The following DNAH9 variants were observed in gnomAD, a reference collection of about 807,000 sequenced individuals.
DNAH9 encodes the protein DNAH9 variant protein.
A neutral mutation model predicts 471.6 loss-of-function variants in DNAH9; 345 were observed. The observed-to-expected ratio is 0.73, with a 90% CI of 0.67 to 0.80. The LOEUF (loss-of-function observed/expected upper bound fraction) is 0.80. DNAH9 is among the 30% of genes least tolerant of loss of function. DNAH9 has a pLI of 0.00. For synonymous variants in DNAH9, 2,093 were observed against 2,123.6 expected, an observed-to-expected ratio of 0.99 and a Z score of 0.40; for missense variants, 5,407 against 5,609.2, an observed-to-expected ratio of 0.96 and a Z score of 1.15.
chr17:11,719,230 G>A (rs1048511966), intron 26 of DNAH9, 104 bp from the exon 27 acceptor site: 20 of 1,197,306 alleles, frequency 1.7e-5, no homozygotes, highest in Non-Finnish European at 2.4e-5. Flanking sequence ...AGGGCTCTTG[G>A]CTTTCTTTTC....
intron 1 of DNAH9, among the ~76,000 whole-genome samples, chr17:11,603,382 T>A (rs755181957): frequency 3.0e-4 from 46 of 152,192 alleles, no homozygotes; most frequent in Admixed American, 1.0e-3. Flanking sequence ...TCTTTCTTGG[T>A]TTTTTAAGAA....
rs199635903 is a variant in DNAH9, at chr17:11,763,584, G to A, written c.7140G>A (p.Trp2380Ter). ...YEHYFVFAAI[W>*]AFGGAMVQDQ... Reference sequence around the variant, plus strand: ...ATTATTTTGTGTTTGCTGCCATCTGGGCTTTCGGCGGAGCAATGGTCCAAG... The same window carrying A: ...ATTATTTTGTGTTTGCTGCCATCTGAGCTTTCGGCGGAGCAATGGTCCAAG... Residue 2380 changes from tryptophan to a stop codon, truncating the protein, a stop_gained, in exon 36 of 69, where the codon TGG becomes TGA. Coordinates refer to ENST00000262442, the MANE Select transcript of DNAH9 (RefSeq NM_001372.4). LOFTEE classifies it high-confidence loss of function. 2 of 1,614,092 alleles carry A rather than the reference G, an allele frequency of 1.2e-6. No individual in the cohort carries two copies. Among genetic ancestry groups the A allele is most frequent in the Admixed American group, 1.7e-5 (1 of 60,008 alleles).
chr17:11,768,542 T>C lies in DNAH9; in HGVS notation c.7260T>C (p.Tyr2420=), dbSNP rs1289437097. ...KFPSQGTIFD[Y]YIDPETKKFE... is the part of the protein sequence containing the mutation. ...CTTCCCAAGGAACCATCTTTGACTATTACATCGACCCAGAGACCAAGAAAT... is the reference window on the plus strand; with the variant it reads ...CTTCCCAAGGAACCATCTTTGACTACTACATCGACCCAGAGACCAAGAAAT... The change falls in exon 37 of 69, where the codon TAT becomes TAC. Residue 2420 remains tyrosine (Y), a synonymous_variant. Transcript: ENST00000262442. The C allele has an allele frequency of 2.5e-6, 4 of 1,614,062 alleles. No individual in the cohort carries two copies. Among genetic ancestry groups the C allele is most frequent in the Non-Finnish European group, 3.4e-6 (4 of 1,180,038 alleles).
In DNAH9 at chr17:11,923,857, C is replaced by T. The variant is rs113001767; in HGVS notation, c.11793C>T (p.Asn3931=). 1.5e-4 allele frequency: 240 copies of T among 1,613,936 alleles called. No homozygotes were observed. The highest frequency in any genetic ancestry group is 1.7e-4 in the Non-Finnish European group (200 of 1,179,980). The part of the protein sequence containing the change: ...GYTFNNQNFH[N]VSLGQGQEVV... ...CCTTCAACAATCAGAACTTTCACAACGTGTCTTTGGGGCAAGGACAGGAAG... is the reference window on the plus strand; with the variant it reads ...CCTTCAACAATCAGAACTTTCACAATGTGTCTTTGGGGCAAGGACAGGAAG... The change falls in exon 62 of 69, where the codon AAC becomes AAT. Residue 3931 remains asparagine (N), a synonymous_variant. Coordinates refer to ENST00000262442, the MANE Select transcript of DNAH9 (RefSeq NM_001372.4).
At chr17:11,907,908 T>G (rs910669163) in intron 61 of DNAH9, among the ~76,000 whole-genome samples, 1 of 152,200 alleles carries the variant, frequency 6.6e-6, no homozygotes, top group African/African-American at 2.4e-5. Context: ...GTAATAACCT[T>G]ATATCACCAT....
chr17:11,843,857 G>GTATATATATATA (rs1341485444), intron 49 of DNAH9, among the ~76,000 whole-genome samples: 189 of 9,230 alleles, frequency 0.02, 1 homozygote, highest in Non-Finnish European at 0.037. Flanking sequence ...GTGTGTGTGT[G>GTATATATATATA]TGTGTGTATA....
At chr17:11,656,139 CA>C (rs1220947082) in intron 14 of DNAH9, among the ~76,000 whole-genome samples, 1 of 152,142 alleles carries the variant, frequency 6.6e-6, no homozygotes, top group Non-Finnish European at 1.5e-5. Flanking sequence ...GGAATCTCCA[CA>C]GTGTTTTTCA....
intron 26 of DNAH9, among the ~76,000 whole-genome samples, chr17:11,714,621 G>A (rs1055290697): frequency 6.6e-6 from 1 of 152,120 alleles, no homozygotes; most frequent in Non-Finnish European, 1.5e-5. Flanking sequence ...TCCCATGGTT[G>A]TGTATTGTTA....
chr17:11,900,197 T>A (rs1973360866), intron 59 of DNAH9, among the ~76,000 whole-genome samples: 1 of 151,898 alleles, frequency 6.6e-6, no homozygotes, highest in Admixed American at 6.6e-5. Flanking sequence ...CGGTGCCTCC[T>A]GCTCCACTCC....
intron 48 of DNAH9, among the ~76,000 whole-genome samples, chr17:11,825,186 A>G (rs1567828858): frequency 6.6e-6 from 1 of 152,096 alleles, no homozygotes; most frequent in Non-Finnish European, 1.5e-5. Flanking sequence ...TTGCTATAGA[A>G]AGGTAACATC....
chr17:11,763,458 C>T lies in DNAH9; in HGVS notation c.7014C>T (p.Pro2338=). Residue 2338 remains proline (P), a synonymous_variant, in exon 36 of 69, where the codon CCC becomes CCT. Coordinates refer to ENST00000262442, the MANE Select transcript of DNAH9 (RefSeq NM_001372.4). ...TTTGCAGGTTTAAGAAGATCATTCC[C>T]ATCCCAGAGCAGAGCATGGTTCAGA... ...TLRTRFKKII[P]IPEQSMVQMV... is the part of the protein sequence containing the mutation. 3.1e-6 allele frequency: 5 copies of T among 1,613,910 alleles called. No homozygotes were observed. The South Asian group carries it at 5.5e-5, about 18-fold the overall frequency.
In DNAH9 at chr17:11,929,970, A is replaced by T; in HGVS notation, c.11982A>T (p.Pro3994=). Residue 3994 remains proline (P), a synonymous_variant, in exon 63 of 69, where the codon CCA becomes CCT. Coordinates refer to ENST00000262442, the MANE Select transcript of DNAH9 (RefSeq NM_001372.4). ...PEFRVFMSAE[P]APSPEGHIIP... Reference sequence around the variant, plus strand: ...TCAGGGTCTTCATGAGTGCAGAGCCAGCACCCTCCCCTGAGGGCCACATCA... The same window carrying T: ...TCAGGGTCTTCATGAGTGCAGAGCCTGCACCCTCCCCTGAGGGCCACATCA... 2 of 1,613,644 alleles carry T rather than the reference A, an allele frequency of 1.2e-6. No individual in the cohort carries two copies. The highest frequency in any genetic ancestry group is 1.7e-6 in the Non-Finnish European group (2 of 1,179,792).
chr17:11,816,312 T>C (rs1450283118), intron 45 of DNAH9, among the ~76,000 whole-genome samples: 1 of 152,236 alleles, frequency 6.6e-6, no homozygotes, highest in Non-Finnish European at 1.5e-5. Flanking sequence ...CACTGATATA[T>C]ACCTATTACT....
chr17:11,942,336 G>A lies in DNAH9; in HGVS notation c.12694G>A (p.Val4232Met), dbSNP rs1338253113. 1.2e-6 allele frequency: 2 copies of A among 1,614,164 alleles called. No individual in the cohort carries two copies. The highest frequency in any genetic ancestry group is 2.2e-5 in the South Asian group (2 of 91,084). ...ACTTCTGGAAGAAATATTGGAGCGG[G>A]TGACAGACGAGTTTAACATCCCAGA... ...KALLEEILER[V>M]TDEFNIPELM... Residue 4232 changes from valine (V) to methionine (M), a missense_variant, in exon 67 of 69, where the codon GTG becomes ATG. Val to Met is a conservative substitution (Grantham distance 21, BLOSUM62 1). Transcript: ENST00000262442.
At position 11,861,027 on chromosome 17, in the gene DNAH9, C is replaced by CTTT. The variant is rs56930700; in HGVS notation, c.9933+6611_9933+6613dup. Among the ~76,000 whole-genome samples, 60 of 143,964 alleles carry CTTT rather than the reference C, an allele frequency of 4.2e-4. 1 individual carries two copies. Among genetic ancestry groups the CTTT allele is most frequent in the South Asian group, 1.1e-3 (5 of 4,556 alleles). The allele number at this position is 143,964 out of a possible 152,430, so 94.4% of individuals were successfully genotyped here. On this transcript the variant is annotated intron_variant, in intron 50 of 68. Transcript: ENST00000262442. ...TACATTGATGTGCTTAGCTGTCATT[C>CTTT]TTTTTTTTTTTTTTATACTTTAAGT...
intron 13 of DNAH9, 74 bp downstream of exon 13, chr17:11,651,398 A>G (rs915301684): frequency 6.0e-5 from 86 of 1,433,510 alleles, no homozygotes; most frequent in Non-Finnish European, 6.5e-5. Context: ...AGAACCTCCA[A>G]TTATTCCCTG....
rs117753798 is a variant in DNAH9, at chr17:11,966,212, A to G, written c.13234-3088A>G. Among the ~76,000 whole-genome samples the G allele has an allele frequency of 1.9e-3, 287 of 152,372 alleles. 1 individual carries two copies. The highest frequency in any genetic ancestry group is 2.9e-3 in the Non-Finnish European group (196 of 68,030). ...GATAAAGAAGAAAATCTTGAAAGCA[A>G]CAAAAGTGGCTCATCACTTAACAAG... On this transcript the variant is annotated intron_variant, in intron 68 of 68. Transcript: ENST00000262442.
chr17:11,605,475 GTCTGTT>G (rs2072482311), intron 1 of DNAH9, among the ~76,000 whole-genome samples: 1 of 42,774 alleles, frequency 2.3e-5, no homozygotes, highest in African/African-American at 9.2e-5. Flanking sequence ...TAGCTTTTTG[GTCTGTT>G]GTTGTTGTTG....
chr17:11,732,538 T>C (rs981526296), intron 28 of DNAH9, among the ~76,000 whole-genome samples: 1 of 152,004 alleles, frequency 6.6e-6, no homozygotes, highest in African/African-American at 2.4e-5. Flanking sequence ...CAGAAGCGAT[T>C]ATGCTGCTGG....
Sources: allele counts gnomAD v4.1 joint callset (sites outside exome capture counted in the v4.1 genomes callset), GRCh38; gene constraint gnomAD v4.1.1; transcripts MANE v1.5; gene names NCBI Gene and HGNC (gene_info 2026-07-23, HGNC 2026-07-21).